RTCA: variants seen among roughly 807,000 people sequenced by gnomAD.
The protein encoded by RTCA is RNA terminal phosphate cyclase domain 1.
In RTCA, 37 loss-of-function variants were observed where a neutral mutation model predicts 46.1. The observed-to-expected ratio is 0.80, with a 90% CI of 0.62 to 1.06. RTCA has a LOEUF of 1.06. Ranked by LOEUF, RTCA falls within the 50% of genes least tolerant of loss-of-function variation. The pLI, the probability that RTCA is intolerant of heterozygous loss-of-function variation, is 0.00. For missense variants in RTCA, 435 were observed against 455.5 expected, an observed-to-expected ratio of 0.95 and a Z score of 0.41; for synonymous variants, 164 against 158.3, an observed-to-expected ratio of 1.04 and a Z score of -0.27.
intron 8 of RTCA, among the ~76,000 whole-genome samples, chr1:100,283,160 C>CTT (rs71084815): frequency 3.0e-3 from 305 of 102,070 alleles, no homozygotes; most frequent in African/African-American, 7.0e-3. Context: ...CCAAATATTC[C>CTT]TTTTTTTTTT....
chr1:100,287,163 A>C lies in RTCA; in HGVS notation c.959A>C (p.His320Pro), dbSNP rs1483665715. The part of the protein sequence containing the change: ...SRIKTGPVTL[H>P]TQTAIHFAEQ... ...ATAAAAACAGGACCAGTTACACTCC[A>C]TACGCAAACCGCGATACATTTTGCT... Residue 320 changes from histidine (H) to proline (P), a missense_variant, in exon 10 of 11, where the codon CAT (histidine) becomes CCT (proline). Transcript: ENST00000370128. 2.5e-6 allele frequency: 4 copies of C among 1,592,748 alleles called. No homozygotes were observed. In the East Asian group the frequency reaches 9.3e-5, roughly 37 times the overall value.
rs72982092 is a variant in RTCA, at chr1:100,268,571, T to G, written c.290+276T>G. On this transcript the variant is annotated intron_variant, in intron 3 of 10. Transcript: ENST00000370128. ...GCACCATGCCCCGCTAATTTTTGTA[T>G]TTTTTAAAGAGACAAGGTTTCGCCA... is the stretch of plus-strand genomic sequence containing the variant. Among the ~76,000 whole-genome samples the G allele has an allele frequency of 2.7e-3, 416 of 152,244 alleles. 7 individuals carry two copies. The highest frequency in any genetic ancestry group is 9.8e-3 in the African/African-American group (407 of 41,546).
chr1:100,268,034 C>A, intron 2 of RTCA, 118 bp from the exon 3 acceptor site: 1 of 1,425,818 alleles, frequency 7.0e-7, no homozygotes, highest in Non-Finnish European at 9.5e-7. Flanking sequence ...AGATGTGGCA[C>A]TTACTGTGGT....
chr1:100,283,003 G>A (rs1430251203), intron 8 of RTCA, among the ~76,000 whole-genome samples: 1 of 151,208 alleles, frequency 6.6e-6, no homozygotes, highest in Non-Finnish European at 1.5e-5. Context: ...CACCATGTTG[G>A]CCAGGCTAGT....
chr1:100,268,212 G>A lies in RTCA; in HGVS notation c.207G>A (p.Gly69=), dbSNP rs1665890685. 2 of 1,613,992 alleles carry A rather than the reference G, an allele frequency of 1.2e-6. No homozygotes were observed. The highest frequency in any genetic ancestry group is 1.7e-6 in the Non-Finnish European group (2 of 1,180,028). Residue 69 remains glycine, a synonymous_variant, in exon 3 of 11, where the codon GGG becomes GGA. Coordinates refer to ENST00000370128, the MANE Select transcript of RTCA (RefSeq NM_003729.4). Reference sequence around the variant, plus strand: ...ATTTGTGTGATGGGCAACTGGAGGGGGCAGAAATTGGCTCAACAGAAATAA... The same window carrying A: ...ATTTGTGTGATGGGCAACTGGAGGGAGCAGAAATTGGCTCAACAGAAATAA... The part of the protein sequence containing the change: ...IRDLCDGQLE[G]AEIGSTEITF...
At chr1:100,282,825 A>G (rs1373342260) in intron 8 of RTCA, among the ~76,000 whole-genome samples, 1 of 152,200 alleles carries the variant, frequency 6.6e-6, no homozygotes, top group Non-Finnish European at 1.5e-5. Context: ...TTATTTATTG[A>G]GATGGGAGTC....
chr1:100,266,942 AAGAT>A (rs1419898909), intron 2 of RTCA: 11 of 373,134 alleles, frequency 2.9e-5, no homozygotes, highest in Non-Finnish European at 5.4e-5. Context: ...ATGAGCTGGC[AAGAT>A]AGATAGGGCA....
rs140792928 is a variant in RTCA at position 100,278,569 on chromosome 1, G to A, written c.799+1253G>A. On this transcript the variant is annotated intron_variant, in intron 8 of 10. Transcript: ENST00000370128. ...AGGATTACTGAGACCAGAAGTTCAA[G>A]ACTATCCTGGGCAATGTAGTGAGAC... Among the ~76,000 whole-genome samples, 3 of 152,204 alleles carry A rather than the reference G, an allele frequency of 2.0e-5. No individual in the cohort carries two copies. In the East Asian group the frequency reaches 5.8e-4, roughly 29 times the overall value.
intron 10 of RTCA, among the ~76,000 whole-genome samples, chr1:100,289,265 A>C (rs543878143): frequency 6.6e-6 from 1 of 151,368 alleles, no homozygotes; most frequent in Non-Finnish European, 1.5e-5. Context: ...AGTAGCTAGG[A>C]CTGCAGCTGT....
intron 5 of RTCA, 74 bp from the exon 6 acceptor site, chr1:100,274,750 C>A: frequency 7.3e-7 from 1 of 1,372,576 alleles, no homozygotes; most frequent in Non-Finnish European, 9.9e-7. Context: ...ATTGACATGT[C>A]ATTTTATTGT....
At chr1:100,291,361 ATC>A in intron 10 of RTCA, 40 bp from the exon 11 acceptor site, 5 of 1,322,576 alleles carry the variant, frequency 3.8e-6, no homozygotes, top group Non-Finnish European at 5.3e-6. Flanking sequence ...TCTTTCCTCC[ATC>A]TCTCTTCGTA....
chr1:100,275,309 C>A (rs1426535399), intron 6 of RTCA, among the ~76,000 whole-genome samples: 1 of 152,144 alleles, frequency 6.6e-6, no homozygotes, highest in Admixed American at 6.6e-5. Context: ...TGGGATCATT[C>A]ATATACCAGA....
In RTCA at chr1:100,285,218, T is replaced by G. The variant is rs1278431460; in HGVS notation, c.800-10T>G. The G allele has an allele frequency of 6.2e-7, 1 of 1,604,068 alleles. No individual in the cohort carries two copies. The highest frequency in any genetic ancestry group is 1.1e-5 in the South Asian group (1 of 90,754). On this transcript the variant is annotated splice_polypyrimidine_tract_variant and intron_variant, in intron 8 of 10. Coordinates refer to ENST00000370128, the MANE Select transcript of RTCA (RefSeq NM_003729.4). ...GTTTTGTTTTGTTTTAATGTTGTGC[T>G]TATCTTAAGGTGTAAATGCAGACAA...
chr1:100,266,653 C>G, intron 2 of RTCA, 29 bp downstream of exon 2: 2 of 1,559,784 alleles, frequency 1.3e-6, no homozygotes, highest in Non-Finnish European at 1.7e-6. Flanking sequence ...GGAGTTGGGC[C>G]GTGAAGCTGG....
At position 100,274,846 on chromosome 1, in the gene RTCA, G is replaced by A; in HGVS notation, c.496G>A (p.Gly166Ser). Reference protein sequence around the residue: ...KTRGYYPKGGGEVIVRMSPVK... With the variant: ...KTRGYYPKGGSEVIVRMSPVK... ...TAGGGGATATTACCCAAAAGGGGGT[G>A]GTGAAGTGATTGTTCGAATGTCACC... is the stretch of plus-strand genomic sequence containing the variant. The change falls in exon 6 of 11, where the codon GGT (glycine) becomes AGT (serine). Residue 166 changes from glycine to serine, a missense_variant. Physicochemically the swap from Gly to Ser is moderately conservative, Grantham distance 56. Transcript: ENST00000370128. 1.9e-6 allele frequency: 3 copies of A among 1,612,750 alleles called. No homozygotes were observed. Among genetic ancestry groups the A allele is most frequent in the East Asian group, 4.5e-5 (2 of 44,852 alleles).
intron 7 of RTCA, 99 bp downstream of exon 7, chr1:100,275,822 T>C: frequency 9.6e-7 from 1 of 1,036,632 alleles, no homozygotes; most frequent in Non-Finnish European, 1.4e-6. Context: ...GTTTATAGTT[T>C]TAAGAAGTAT....
At chr1:100,269,188 C>G (rs1172726860) in intron 3 of RTCA, among the ~76,000 whole-genome samples, 1 of 151,662 alleles carries the variant, frequency 6.6e-6, no homozygotes, top group Non-Finnish European at 1.5e-5. Flanking sequence ...ATGGAAGGAG[C>G]CCCTGTCTCA....
At chr1:100,283,160 C>CTTTTTTTTTT (rs71084815) in intron 8 of RTCA, among the ~76,000 whole-genome samples, 7 of 102,088 alleles carry the variant, frequency 6.9e-5, no homozygotes, top group African/African-American at 1.8e-4. Context: ...CCAAATATTC[C>CTTTTTTTTTT]TTTTTTTTTT....
At chr1:100,288,937 C>G (rs1570893837) in intron 10 of RTCA, among the ~76,000 whole-genome samples, 1 of 152,050 alleles carries the variant, frequency 6.6e-6, no homozygotes, top group East Asian at 1.9e-4. Context: ...ATTCTCATGC[C>G]TCAGCCTCCA....
Sources: gnomAD v4.1 joint callset for allele counts (sites outside exome capture counted in the v4.1 genomes callset) on GRCh38, gnomAD v4.1.1 for gene constraint, MANE v1.5 for transcripts, NCBI Gene and HGNC (gene_info 2026-07-23, HGNC 2026-07-21) for gene names.